Variants in INCENP observed in about 807,000 individuals in gnomAD.
INCENP encodes binds and activates aurora-B and -C in vivo and in vitro.
A neutral mutation model predicts 107.3 loss-of-function variants in INCENP; 43 were observed. That is an observed-to-expected ratio of 0.40 (90% CI 0.31 to 0.52). The LOEUF (loss-of-function observed/expected upper bound fraction) is 0.52. INCENP is among the 20% of genes least tolerant of loss of function. The pLI, the probability that INCENP is intolerant of heterozygous loss-of-function variation, is 0.53. For synonymous variants in INCENP, 488 were observed against 494.4 expected (o/e 0.99, Z 0.17); for missense variants, 1,089 against 1,250.9 (o/e 0.87, Z 1.95).
intron 11 of INCENP, among the ~76,000 whole-genome samples, chr11:62,144,418 C>T (rs1391563065): frequency 6.6e-6 from 1 of 151,922 alleles, no homozygotes; most frequent in African/African-American, 2.4e-5. Context: ...ATCCCTAATC[C>T]ATCTCACTAG....
At chr11:62,145,826 G>T in intron 14 of INCENP, 75 bp downstream of exon 14, 2 of 1,478,798 alleles carry the variant, frequency 1.4e-6, no homozygotes, top group Non-Finnish European at 1.8e-6. Flanking sequence ...GCCCTACTGG[G>T]TGCACCCCAC....
chr11:62,138,743 T>C lies in INCENP; in HGVS notation c.1146T>C (p.Ala382=). Reference sequence around the variant, plus strand: ...AGCAGAAGGAACCCCCCGAGGAGGCTGAGCCTGTGGCGGCAGCTGAGCCAG... The same window carrying C: ...AGCAGAAGGAACCCCCCGAGGAGGCCGAGCCTGTGGCGGCAGCTGAGCCAG... ...GSEQKEPPEE[A]EPVAAAEPEV... The change falls in exon 6 of 19, where the codon GCT becomes GCC. Residue 382 remains alanine (A), a synonymous_variant. Transcript: ENST00000394818. 6.2e-7 allele frequency: 1 copy of C among 1,614,132 alleles called. No homozygotes were observed. The highest frequency in any genetic ancestry group is 8.5e-7 in the Non-Finnish European group (1 of 1,180,004).
chr11:62,133,434 G>A (rs1792936), intron 4 of INCENP, among the ~76,000 whole-genome samples: 1 of 151,944 alleles, frequency 6.6e-6, no homozygotes, highest in South Asian at 2.1e-4. Context: ...TGGTGCGCAC[G>A]TGCCTGCGGG....
chr11:62,140,221 G>T lies in INCENP; in HGVS notation c.1292-13G>T, dbSNP rs1944083878. ...TCGTTTCTGCAGCCTTGCTGAAATT[G>T]CTGTCTTCACAGAGGCCAAGACGGA... On this transcript the variant is annotated splice_polypyrimidine_tract_variant and intron_variant, in intron 7 of 18. Transcript: ENST00000394818. 5.6e-6 allele frequency: 9 copies of T among 1,612,718 alleles called. No homozygotes were observed. Among genetic ancestry groups the T allele is most frequent in the Non-Finnish European group, 7.6e-6 (9 of 1,179,210 alleles).
chr11:62,133,858 G>T (rs983680490), intron 4 of INCENP, among the ~76,000 whole-genome samples: 3 of 152,078 alleles, frequency 2.0e-5, no homozygotes, highest in African/African-American at 7.2e-5. Context: ...AAGGGTCCTG[G>T]CTTCCCTTCT....
At chr11:62,140,885 C>A (rs201802247) in intron 9 of INCENP, 28 bp from the exon 10 acceptor site, 1 of 1,613,784 alleles carries the variant, frequency 6.2e-7, no homozygotes, top group Admixed American at 1.7e-5. Context: ...CCCGCCTGCC[C>A]ACTTCTGACC....
At chr11:62,149,316 T>G (rs905734701) in intron 17 of INCENP, among the ~76,000 whole-genome samples, 13 of 152,186 alleles carry the variant, frequency 8.5e-5, no homozygotes, top group African/African-American at 2.7e-4. Context: ...CAGGTCAATT[T>G]CTTAGTTTTG....
At chr11:62,141,131 G>C in intron 10 of INCENP, 87 bp downstream of exon 10, 1 of 1,511,788 alleles carries the variant, frequency 6.6e-7, no homozygotes, top group South Asian at 1.2e-5. Context: ...ACTGGGAGTA[G>C]TGTGAGCCTG....
chr11:62,145,597 C>A, intron 13 of INCENP, 32 bp from the exon 14 acceptor site: 1 of 1,579,772 alleles, frequency 6.3e-7, no homozygotes, highest in Non-Finnish European at 8.6e-7. Context: ...AATGTGGGTG[C>A]TCCAATGGGC....
intron 11 of INCENP, among the ~76,000 whole-genome samples, chr11:62,143,050 T>TA (rs1474178566): frequency 1.3e-4 from 1 of 7,564 alleles, no homozygotes. Flanking sequence ...ACATAGGATT[T>TA]GGCCACACTT....
chr11:62,148,751 C>T lies in INCENP; in HGVS notation c.2296C>T (p.Arg766Cys), dbSNP rs753378312. 6.3e-6 allele frequency: 10 copies of T among 1,592,522 alleles called. No individual in the cohort carries two copies. Among genetic ancestry groups the T allele is most frequent in the African/African-American group, 5.4e-5 (4 of 74,150 alleles). The change falls in exon 17 of 19, where the codon CGT (arginine) becomes TGT (cysteine). Residue 766 changes from arginine to cysteine, a missense_variant. By Grantham distance (180) the Arg-to-Cys change is radical (BLOSUM62 -3). Transcript: ENST00000394818. ...EEKKKKEEQQ[R>C]LAERQLQEEQ... is the part of the protein sequence containing the mutation. ...ACCTGGGTTCCAGGAAGAGCAGCAG[C>T]GTCTGGCTGAGCGGCAGCTGCAGGA...
At position 62,129,823 on chromosome 11, in the gene INCENP, G is replaced by T. The variant is rs146465225; in HGVS notation, c.296G>T (p.Arg99Leu). The change falls in exon 4 of 19, where the codon CGA (arginine) becomes CTA (leucine). Residue 99 changes from arginine to leucine, a missense_variant. By Grantham distance (102) the Arg-to-Leu change is moderately radical. Coordinates refer to ENST00000394818, the MANE Select transcript of INCENP (RefSeq NM_001040694.2). Reference sequence around the variant, plus strand: ...TCTCGGAGCAGCCAGCTGAGCTCCCGACGCCTCCGCAGCAAGGACAGTGTA... The same window carrying T: ...TCTCGGAGCAGCCAGCTGAGCTCCCTACGCCTCCGCAGCAAGGACAGTGTA... ...RKSRSSQLSS[R>L]RLRSKDSVEK... 1 of 1,610,916 alleles carries T rather than the reference G, an allele frequency of 6.2e-7. No individual in the cohort carries two copies. Among genetic ancestry groups the T allele is most frequent in the South Asian group, 1.1e-5 (1 of 91,064 alleles).
rs1329234638 is a variant in INCENP, at chr11:62,150,093, G to A, written c.2428G>A (p.Gly810Arg). The A allele has an allele frequency of 2.5e-6, 4 of 1,614,050 alleles. No homozygotes were observed. The highest frequency in any genetic ancestry group is 3.4e-6 in the Non-Finnish European group (4 of 1,179,998). The change falls in exon 18 of 19, where the codon GGG becomes AGG. Residue 810 changes from glycine (G) to arginine (R), a missense_variant. Gly to Arg is a moderately radical substitution (Grantham distance 125). Transcript: ENST00000394818. ...ACTSYQMTPQ[G>R]HRAPPKINPD... The stretch of plus-strand genomic sequence containing the variant: ...TACCTCATATCAGATGACTCCGCAA[G>A]GGCACAGGGCCCCTCCCAAGATCAA...
intron 5 of INCENP, 168 bp downstream of exon 5, chr11:62,138,051 G>A: frequency 3.1e-6 from 2 of 655,580 alleles, no homozygotes; most frequent in East Asian, 2.7e-5. Flanking sequence ...AGTGATGTGG[G>A]TGTTGGCCAC....
intron 4 of INCENP, among the ~76,000 whole-genome samples, chr11:62,135,107 G>A (rs1943964177): frequency 6.6e-6 from 1 of 152,224 alleles, no homozygotes; most frequent in Non-Finnish European, 1.5e-5. Context: ...AGTTGGGAAA[G>A]GGAGGAGTAT....
chr11:62,141,608 T>A, intron 11 of INCENP, 97 bp downstream of exon 11: 1 of 1,461,726 alleles, frequency 6.8e-7, no homozygotes, highest in Non-Finnish European at 9.6e-7. Flanking sequence ...GTAGATGCAC[T>A]AACATTGTAA....
rs1944214466 is a variant in INCENP at position 62,145,185 on chromosome 11, C to G, written c.1732C>G (p.Leu578Val). ...EEVKLKREER[L>V]RKVLQARERV... ...GCCCCGCAGGAAGCGTGAGGAACGCCTCCGCAAGGTGCTGCAGGCCCGCGA... is the reference window on the plus strand; with the variant it reads ...GCCCCGCAGGAAGCGTGAGGAACGCGTCCGCAAGGTGCTGCAGGCCCGCGA... The change falls in exon 13 of 19, where the codon CTC (leucine) becomes GTC (valine). Residue 578 changes from leucine to valine, a missense_variant. Leu to Val is a conservative substitution (Grantham distance 32). Transcript: ENST00000394818. The G allele has an allele frequency of 3.1e-6, 5 of 1,614,156 alleles. No homozygotes were observed. Among genetic ancestry groups the G allele is most frequent in the Non-Finnish European group, 4.2e-6 (5 of 1,180,034 alleles).
intron 4 of INCENP, among the ~76,000 whole-genome samples, chr11:62,134,556 T>C (rs886632932): frequency 1.3e-5 from 2 of 152,184 alleles, no homozygotes; most frequent in African/African-American, 4.8e-5. Context: ...TTGTTTAATA[T>C]TTTAACATTA....
At chr11:62,146,947 A>G (rs771936037) in intron 15 of INCENP, 45 bp downstream of exon 15, 1 of 1,592,292 alleles carries the variant, frequency 6.3e-7, no homozygotes, top group Non-Finnish European at 8.5e-7. Context: ...ATGTGTGTGG[A>G]AGAGAGACGG....
Sources: gnomAD v4.1 joint callset for allele counts (sites outside exome capture counted in the v4.1 genomes callset) on GRCh38, gnomAD v4.1.1 for gene constraint, MANE v1.5 for transcripts, NCBI Gene and HGNC (gene_info 2026-07-23, HGNC 2026-07-21) for gene names.